The following RARG variants were observed in gnomAD, a reference collection of about 807,000 sequenced individuals.
The protein encoded by RARG is RAR-gamma.
In RARG, 17 loss-of-function variants were observed where a neutral mutation model predicts 43.7. The ratio of observed to expected loss-of-function variants is 0.39; its 90% CI spans 0.27 to 0.58. The LOEUF (loss-of-function observed/expected upper bound fraction) is 0.58, where lower values mean the gene tolerates loss of function less well. RARG is among the 20% of genes least tolerant of loss of function. The pLI, the probability that RARG is intolerant of heterozygous loss-of-function variation, is 0.57. For missense variants in RARG, 346 were observed against 598.7 expected (o/e 0.58, Z 4.40); for synonymous variants, 238 against 236.4 (o/e 1.01, Z -0.06).
chr12:53,221,932 G>A (rs959253216), intron 3 of RARG, among the ~76,000 whole-genome samples: 2 of 151,728 alleles, frequency 1.3e-5, no homozygotes, highest in Admixed American at 6.5e-5. Context: ...GGGCGCACTG[G>A]GGTGCTGCAG....
chr12:53,220,373 T>TTAAA (rs1157007141), intron 3 of RARG: 13 of 892,526 alleles, frequency 1.5e-5, no homozygotes, highest in Middle Eastern at 1.1e-3. Flanking sequence ...GGGGAGACCT[T>TTAAA]TTTTAAAAGC....
At chr12:53,218,526 T>G (rs1942842570) in intron 3 of RARG, among the ~76,000 whole-genome samples, 2 of 152,086 alleles carry the variant, frequency 1.3e-5, no homozygotes, top group Non-Finnish European at 2.9e-5. Context: ...AGGGATTTGG[T>G]GCAAAGCAAT....
chr12:53,223,298 A>G (rs907440911), intron 3 of RARG, among the ~76,000 whole-genome samples: 1 of 150,538 alleles, frequency 6.6e-6, no homozygotes, highest in African/African-American at 2.5e-5. Context: ...CCCTGCCAGA[A>G]GGGTAAGTCC....
rs73309184 is a variant in RARG, at chr12:53,225,822, T to G, written c.184+1540A>C. Among the ~76,000 whole-genome samples, 292 of 152,258 alleles carry G rather than the reference T, an allele frequency of 1.9e-3. 2 individuals carry two copies. The highest frequency in any genetic ancestry group is 6.5e-3 in the African/African-American group (271 of 41,534). ...CCCAAGCCTTGGCTGCTGTCAGCAC[T>G]CAAAGGCTTAACCCAAAGAGGGCAG... On this transcript the variant is annotated intron_variant, in intron 3 of 9. Coordinates refer to ENST00000425354, the MANE Select transcript of RARG (RefSeq NM_000966.6).
At chr12:53,216,853 CGCGCGCGCGTGTGGTTGGTCTTCAGAG>C (rs1424002460) in intron 3 of RARG, among the ~76,000 whole-genome samples, 2 of 117,888 alleles carry the variant, frequency 1.7e-5, no homozygotes, top group East Asian at 4.1e-4. Flanking sequence ...CGCGCGCGCG[CGCGCGCGCGTGTGGTTGGTCTTCAGAG>C]GCTCGGAAAA....
intron 3 of RARG, among the ~76,000 whole-genome samples, chr12:53,218,701 G>GCACTTGTAAAA (rs1942848572): frequency 6.6e-6 from 1 of 151,294 alleles, no homozygotes; most frequent in African/African-American, 2.4e-5. Flanking sequence ...AAAAAAATCC[G>GCACTTGTAAAA]AACTTGTAAA....
Position 53,227,321 on chromosome 12 carries a change from G to A in RARG, c.184+41C>T, listed in dbSNP as rs1178791846. The A allele has an allele frequency of 2.0e-6, 3 of 1,486,994 alleles. No individual in the cohort carries two copies. Among genetic ancestry groups the A allele is most frequent in the African/African-American group, 2.9e-5 (2 of 70,110 alleles). The allele number at this position is 1,486,994 out of a possible 1,614,324, so 92.1% of individuals were successfully genotyped here. On this transcript the variant is annotated intron_variant, in intron 3 of 9. Coordinates refer to ENST00000425354, the MANE Select transcript of RARG (RefSeq NM_000966.6). This position sits in a 1 kb window ranked among gnomAD's most constrained non-coding sequence, Gnocchi z 4.3. ...CCATCCACCCTCCTGATGCCTTCTT[G>A]TTAACATTTGCCTTCATTCCCCAAG...
chr12:53,216,841 TGCGCGCGCGCGCGCGCGCGC>T (rs61199415), intron 3 of RARG, among the ~76,000 whole-genome samples: 2,807 of 129,424 alleles, frequency 0.022, 32 homozygotes, highest in South Asian at 0.055. Flanking sequence ...TGTGTGTGTG[TGCGCGCGCGCGCGCGCGCGC>T]GTGTGGTTGG....
In RARG at chr12:53,223,070, AC is replaced by A. The variant is rs137964072; in HGVS notation, c.184+4291del. 3.5e-3 allele frequency among the ~76,000 whole-genome samples: 525 copies of A among 152,062 alleles called. 3 individuals are homozygous for A. The highest frequency in any genetic ancestry group is 0.012 in the African/African-American group (507 of 41,464). ...TTAGCACTCAGATTCTTTCGGGGTC[AC>A]CCCTTAGAGTCCCTGCCACCCTGGC... On this transcript the variant is annotated intron_variant, in intron 3 of 9. Coordinates refer to ENST00000425354, the MANE Select transcript of RARG (RefSeq NM_000966.6).
At chr12:53,218,624 G>C (rs1451534405) in intron 3 of RARG, among the ~76,000 whole-genome samples, 1 of 151,942 alleles carries the variant, frequency 6.6e-6, no homozygotes, top group Non-Finnish European at 1.5e-5. Flanking sequence ...CCGGTCTCCT[G>C]GTTTGCCATC....
At position 53,211,514 on chromosome 12, in the gene RARG, A is replaced by C; in HGVS notation, c.*162T>G. 1.6e-6 allele frequency: 1 copy of C among 623,000 alleles called. No individual in the cohort carries two copies. Among genetic ancestry groups the C allele is most frequent in the Non-Finnish European group, 2.5e-6 (1 of 402,574 alleles). The allele number at this position is 623,000 out of a possible 1,614,324, so 38.6% of individuals were successfully genotyped here. A position where few individuals can be genotyped will look rare whatever the true frequency, so the allele number is the denominator to read the frequency against. On this transcript the variant is annotated 3_prime_UTR_variant, in exon 10 of 10. Transcript: ENST00000425354. The surrounding 1 kb of genome is among the most constrained non-coding windows in gnomAD (Gnocchi z 4.6). ...AGCCGGTTAGATCAGGAAGGGGATG[A>C]ACACAGAGGCACCCCTAGAAACTTT...
intron 3 of RARG, among the ~76,000 whole-genome samples, chr12:53,225,068 G>A (rs1315691238): frequency 6.6e-6 from 1 of 152,120 alleles, no homozygotes; most frequent in African/African-American, 2.4e-5. Context: ...GTCCCAAGAG[G>A]CTGAGTTGTA....
At position 53,215,607 on chromosome 12, in the gene RARG, A is replaced by T; in HGVS notation, c.333+39T>A. On this transcript the variant is annotated intron_variant, in intron 4 of 9. Coordinates refer to ENST00000425354, the MANE Select transcript of RARG (RefSeq NM_000966.6). The surrounding 1 kb of genome is among the most constrained non-coding windows in gnomAD (Gnocchi z 6.4). Reference sequence around the variant, plus strand: ...CCTGGTCTCTCATCTTACTAGGGTAACTGGATCCCCCGTCTGCCCACTCCC... The same window carrying T: ...CCTGGTCTCTCATCTTACTAGGGTATCTGGATCCCCCGTCTGCCCACTCCC... The T allele has an allele frequency of 2.5e-6, 4 of 1,597,468 alleles. No individual in the cohort carries two copies. Among genetic ancestry groups the T allele is most frequent in the Non-Finnish European group, 2.6e-6 (3 of 1,169,934 alleles).
rs542544920 is a variant in RARG, at chr12:53,227,646, G to A, written c.-101C>T. On this transcript the variant is annotated 5_prime_UTR_variant, in exon 3 of 10. It adds an upstream start codon to the 5' untranslated region. Transcript: ENST00000425354. The surrounding 1 kb of genome is among the most constrained non-coding windows in gnomAD (Gnocchi z 4.3). ...CCACTGCCCCAGCCTGGGAGGCTCC[G>A]TACCCGCCCTGCCTGGCCTGCCCAC... is the stretch of plus-strand genomic sequence containing the variant. 8.5e-4 allele frequency: 1,151 copies of A among 1,354,006 alleles called. 1 individual carries two copies. Among genetic ancestry groups the A allele is most frequent in the Non-Finnish European group, 1.0e-3 (1,097 of 1,054,724 alleles). The allele number at this position is 1,354,006 out of a possible 1,614,324, so 83.9% of individuals were successfully genotyped here.
At chr12:53,219,192 C>T (rs1295035744) in intron 3 of RARG, among the ~76,000 whole-genome samples, 1 of 152,244 alleles carries the variant, frequency 6.6e-6, no homozygotes, top group African/African-American at 2.4e-5. Context: ...AAACTTTTCG[C>T]TTCCTGCTGA....
At position 53,211,669 on chromosome 12, in the gene RARG, G is replaced by A; in HGVS notation, c.*7C>T. 1.4e-6 allele frequency: 2 copies of A among 1,476,928 alleles called. No individual in the cohort carries two copies. Among genetic ancestry groups the A allele is most frequent in the African/African-American group, 1.5e-5 (1 of 68,718 alleles). 91.5% of individuals were successfully genotyped at this position (1,476,928 alleles called of 1,614,324 possible). On this transcript the variant is annotated 3_prime_UTR_variant, in exon 10 of 10. Transcript: ENST00000425354. The surrounding 1 kb of genome is among the most constrained non-coding windows in gnomAD (Gnocchi z 4.6). ...AACCCCCACAGCGGGGAGGTCAGGG[G>A]CCCTGGTCAGGCTGGGGACTTCAGG...
intron 3 of RARG, among the ~76,000 whole-genome samples, chr12:53,224,632 T>C (rs1441486564): frequency 6.6e-6 from 1 of 152,042 alleles, no homozygotes; most frequent in Non-Finnish European, 1.5e-5. Context: ...TCGTCTCCCC[T>C]ATGTCTTCCT....
In RARG at chr12:53,218,267, G is replaced by C. The variant is rs549894470; in HGVS notation, c.185-2473C>G. ...TCCCTCTGAAAGTGTGTGCGGGCAG[G>C]CCTGAAGCTGGCTTTGTGTGTCCAC... On this transcript the variant is annotated intron_variant, in intron 3 of 9. Coordinates refer to ENST00000425354, the MANE Select transcript of RARG (RefSeq NM_000966.6). 2.0e-5 allele frequency among the ~76,000 whole-genome samples: 3 copies of C among 152,200 alleles called. No individual in the cohort carries two copies. In the South Asian group the frequency reaches 6.2e-4, roughly 32 times the overall value.
At chr12:53,216,841 T>TGTGTGTGTGCGC (rs1430491578) in intron 3 of RARG, among the ~76,000 whole-genome samples, 16 of 129,434 alleles carry the variant, frequency 1.2e-4, no homozygotes, top group Admixed American at 4.4e-4. Context: ...TGTGTGTGTG[T>TGTGTGTGTGCGC]GCGCGCGCGC....
Sources: allele counts gnomAD v4.1 joint callset (sites outside exome capture counted in the v4.1 genomes callset), GRCh38; gene constraint gnomAD v4.1.1; non-coding constraint Gnocchi (gnomAD v3.1); transcripts MANE v1.5; gene names NCBI Gene and HGNC (gene_info 2026-07-23, HGNC 2026-07-21).